The following METTL2B variants were observed in gnomAD, a reference collection of about 807,000 sequenced individuals.
METTL2B encodes the protein methyltransferase 2B, tRNA N3-cytidine, also known as tRNA N(3)-cytidine methyltransferase METTL2B.
A neutral mutation model predicts 51.0 loss-of-function variants in METTL2B; 28 were observed. That is an observed-to-expected ratio of 0.55 (90% CI 0.41 to 0.75). The LOEUF is 0.75. Among genes scored for constraint, METTL2B ranks in the 30% least tolerant of loss-of-function variants. The pLI, the probability that METTL2B is intolerant of heterozygous loss-of-function variation, is 0.00. For synonymous variants in METTL2B, 128 were observed against 166.3 expected, an observed-to-expected ratio of 0.77 and a Z score of 1.77; for missense variants, 313 against 460.7, an observed-to-expected ratio of 0.68 and a Z score of 2.93.
intron 2 of METTL2B, among the ~76,000 whole-genome samples, chr7:128,478,380 A>G (rs1799829764): frequency 6.6e-6 from 1 of 151,212 alleles, no homozygotes; most frequent in South Asian, 2.1e-4. Context: ...CCTCCCGAGT[A>G]GCTGGGACTA....
chr7:128,484,241 T>C (rs1014099684), intron 4 of METTL2B: 1 of 114,260 alleles, frequency 8.8e-6, no homozygotes, highest in African/African-American at 3.5e-5. Flanking sequence ...TTTTTTTTTT[T>C]TTTTGAGACA....
rs752763518 is a variant in METTL2B, at chr7:128,476,780, C to T, written c.15C>T (p.Tyr5=). The change falls in exon 1 of 9, where the codon TAC becomes TAT. Residue 5 remains tyrosine, a synonymous_variant. Coordinates refer to ENST00000262432, the MANE Select transcript of METTL2B (RefSeq NM_018396.3). The part of the protein sequence containing the change: MAGS[Y]PEGAPAILAD... ...GCTCCGGTGTCATGGCCGGCTCCTA[C>T]CCTGAAGGTGCACCTGCAATCCTCG... 9 of 1,614,128 alleles carry T rather than the reference C, an allele frequency of 5.6e-6. No individual in the cohort carries two copies. Among genetic ancestry groups the T allele is most frequent in the South Asian group, 1.1e-5 (1 of 91,066 alleles).
chr7:128,498,602 G>T (rs1468759231), intron 7 of METTL2B, among the ~76,000 whole-genome samples: 1 of 152,074 alleles, frequency 6.6e-6, no homozygotes, highest in African/African-American at 2.4e-5. Flanking sequence ...ATATGTGACA[G>T]AGTAGTATAT....
At chr7:128,501,357 T>G (rs139494998) in intron 8 of METTL2B, 6 of 985,454 alleles carry the variant, frequency 6.1e-6, no homozygotes, top group Non-Finnish European at 7.2e-6. Context: ...CCTCTGCAAC[T>G]GGCCCATCCA....
chr7:128,483,718 T>C (rs1242727450), intron 4 of METTL2B, among the ~76,000 whole-genome samples: 1 of 151,520 alleles, frequency 6.6e-6, no homozygotes, highest in Non-Finnish European at 1.5e-5. Flanking sequence ...ATTTTTGTAT[T>C]ATTGATTGAT....
intron 4 of METTL2B, among the ~76,000 whole-genome samples, chr7:128,487,282 C>T (rs1337633901): frequency 6.6e-6 from 1 of 152,140 alleles, no homozygotes; most frequent in Non-Finnish European, 1.5e-5. Flanking sequence ...TCCCAAAAAT[C>T]CCAGCGTCTC....
At chr7:128,484,232 T>TTTTTTGTTTTTTTTTTTTTGTTGTTTG (rs71160654) in intron 4 of METTL2B, 37 of 83,556 alleles carry the variant, frequency 4.4e-4, no homozygotes, top group African/African-American at 1.7e-3. Context: ...TTTTTTTTTT[T>TTTTTTGTTTTTTTTTTTTTGTTGTTTG]TTTTTTTTTT....
intron 6 of METTL2B, among the ~76,000 whole-genome samples, chr7:128,494,719 C>G (rs2116861513): frequency 6.6e-6 from 1 of 152,240 alleles, no homozygotes; most frequent in East Asian, 1.9e-4. Context: ...CCTCCGCCTC[C>G]CCAGTTCACA....
At chr7:128,481,341 A>G (rs963764546) in intron 4 of METTL2B, among the ~76,000 whole-genome samples, 2 of 152,218 alleles carry the variant, frequency 1.3e-5, no homozygotes, top group African/African-American at 4.8e-5. Flanking sequence ...CGGTCCCAGA[A>G]GACTGCCCCC....
chr7:128,486,831 A>G (rs1320763378), intron 4 of METTL2B, among the ~76,000 whole-genome samples: 1 of 152,182 alleles, frequency 6.6e-6, no homozygotes, highest in East Asian at 1.9e-4. Flanking sequence ...GGGCTGAGGT[A>G]GGAGGATCAC....
intron 2 of METTL2B, among the ~76,000 whole-genome samples, chr7:128,478,659 T>G: frequency 6.8e-4 from 1 of 1,476 alleles, no homozygotes; most frequent in South Asian, 6.7e-3. Flanking sequence ...GGTCAGGAGA[T>G]TGAGACCATG....
At chr7:128,477,563 A>G (rs1257288345) in intron 2 of METTL2B, among the ~76,000 whole-genome samples, 1 of 151,930 alleles carries the variant, frequency 6.6e-6, no homozygotes, top group Non-Finnish European at 1.5e-5. Flanking sequence ...AAGTGATTAG[A>G]TTCTAAATAT....
At chr7:128,484,929 G>A (rs1792672477) in intron 4 of METTL2B, among the ~76,000 whole-genome samples, 1 of 152,078 alleles carries the variant, frequency 6.6e-6, no homozygotes, top group Admixed American at 6.6e-5. Flanking sequence ...AGCCATCACT[G>A]CAGTCAACTT....
chr7:128,481,357 C>G (rs1329571021), intron 4 of METTL2B, among the ~76,000 whole-genome samples: 1 of 152,234 alleles, frequency 6.6e-6, no homozygotes, highest in Non-Finnish European at 1.5e-5. Flanking sequence ...CCCCCCACTT[C>G]AGATGCCAGT....
In METTL2B at chr7:128,502,106, A is replaced by C; in HGVS notation, c.*190A>C. 1 of 683,038 alleles carries C rather than the reference A, an allele frequency of 1.5e-6. No homozygotes were observed. The highest frequency in any genetic ancestry group is 2.3e-6 in the Non-Finnish European group (1 of 433,622). 42.3% of individuals were successfully genotyped at this position (683,038 alleles called of 1,614,324 possible). ...AGAGACCCTGAATCTGAAAGTAATG[A>C]TAAAATAAAAAGAATATAAATGAGG... On this transcript the variant is annotated 3_prime_UTR_variant, in exon 9 of 9. Transcript: ENST00000262432.
chr7:128,493,069 G>A (rs1184376187), intron 5 of METTL2B, among the ~76,000 whole-genome samples: 1 of 152,044 alleles, frequency 6.6e-6, no homozygotes. Flanking sequence ...GGGGAGTCAG[G>A]AATGTTCTAT....
rs1435360457 is a variant in METTL2B at position 128,506,148 on chromosome 7, AGAAT to A, written c.*4236_*4239del. 1 of 152,066 alleles carries A rather than the reference AGAAT, an allele frequency of 6.6e-6. No homozygotes were observed. The highest frequency in any genetic ancestry group is 2.4e-5 in the African/African-American group (1 of 41,378). 9.4% of individuals were successfully genotyped at this position (152,066 alleles called of 1,614,324 possible). A position where few individuals can be genotyped will look rare whatever the true frequency, so the allele number is the denominator to read the frequency against. ...AATGGGTTTTCAGAGGTGGGAGCAA[AGAAT>A]GAAGGGAGGAAGAGAGCTCCCATCT... On this transcript the variant is annotated 3_prime_UTR_variant, in exon 9 of 9. Coordinates refer to ENST00000262432, the MANE Select transcript of METTL2B (RefSeq NM_018396.3).
rs996599567 is a variant in METTL2B at position 128,502,077 on chromosome 7, A to G, written c.*161A>G. ...CCCAGGAGTCCAGCCTGGGCAAAAT[A>G]GCGAGAGACCCTGAATCTGAAAGTA... On this transcript the variant is annotated 3_prime_UTR_variant, in exon 9 of 9. Transcript: ENST00000262432. The G allele has an allele frequency of 6.7e-6, 6 of 893,598 alleles. No homozygotes were observed. The highest frequency in any genetic ancestry group is 1.0e-5 in the Non-Finnish European group (6 of 599,154). 55.4% of individuals were successfully genotyped at this position (893,598 alleles called of 1,614,324 possible).
chr7:128,488,984 T>C (rs1259376831), intron 5 of METTL2B, among the ~76,000 whole-genome samples: 1 of 151,862 alleles, frequency 6.6e-6, no homozygotes, highest in Non-Finnish European at 1.5e-5. Context: ...AAATGGCACA[T>C]ACCTGTAATT....
Sources: allele counts gnomAD v4.1 joint callset (sites outside exome capture counted in the v4.1 genomes callset), GRCh38; gene constraint gnomAD v4.1.1; transcripts MANE v1.5; gene names NCBI Gene and HGNC (gene_info 2026-07-23, HGNC 2026-07-21).